ABCC8: variants seen among roughly 807,000 people sequenced by gnomAD.
The protein encoded by ABCC8 is ATP binding cassette subfamily C member 8, also known as ATP-binding cassette sub-family C member 8.
Under a neutral mutation model 188.0 loss-of-function variants are expected in ABCC8, and 137 were observed. The observed-to-expected ratio is 0.73, with a 90% CI of 0.63 to 0.84. The LOEUF (loss-of-function observed/expected upper bound fraction) is 0.84. Among genes scored for constraint, ABCC8 ranks in the 40% least tolerant of loss-of-function variants. ABCC8 has a pLI of 0.00. For missense variants in ABCC8, 1,750 were observed against 2,072.7 expected (o/e 0.84, Z 3.02); for synonymous variants, 797 against 846.5 (o/e 0.94, Z 1.01).
Position 17,475,392 on chromosome 11 carries a change from T to A in ABCC8, c.149-365A>T, listed in dbSNP as rs144569718. Among the ~76,000 whole-genome samples, 458 of 152,046 alleles carry A rather than the reference T, an allele frequency of 3.0e-3. 5 individuals are homozygous for A. In the East Asian group the frequency reaches 0.032, roughly 11 times the overall value. On this transcript the variant is annotated intron_variant, in intron 1 of 38. Transcript: ENST00000389817. ...ATCACCATGCTCAGCTAATTTTTAA[T>A]TTTTTGTAGAAAGGGCGGGGGGGGT...
chr11:17,414,961 C>T (rs1338509801), intron 18 of ABCC8, among the ~76,000 whole-genome samples: 4 of 151,858 alleles, frequency 2.6e-5, no homozygotes, highest in Non-Finnish European at 4.4e-5. Context: ...GCCCTCAAGC[C>T]ACTGGACTTT....
At chr11:17,421,354 C>T (rs1955334178) in intron 16 of ABCC8, among the ~76,000 whole-genome samples, 1 of 152,120 alleles carries the variant, frequency 6.6e-6, no homozygotes, top group Non-Finnish European at 1.5e-5. Flanking sequence ...TAGTGAAATA[C>T]TGGGTTAGGA....
At chr11:17,408,699 G>T in intron 22 of ABCC8, 182 bp from the exon 23 acceptor site, 1 of 483,794 alleles carries the variant, frequency 2.1e-6, no homozygotes, top group Non-Finnish European at 2.7e-6. Context: ...ATACTCCTAG[G>T]ACCTAGAGTT....
At position 17,461,676 on chromosome 11, in the gene ABCC8, C is replaced by T. The variant is rs1288013350; in HGVS notation, c.729G>A (p.Lys243=). 6.2e-7 allele frequency: 1 copy of T among 1,614,222 alleles called. No individual in the cohort carries two copies. The highest frequency in any genetic ancestry group is 1.7e-5 in the Admixed American group (1 of 60,022). ...MNAFIKTAHK[K]PIDLRAIGKL... Reference sequence around the variant, plus strand: ...TCCCGATGGCTCGCAAGTCGATGGGCTTCTTGTGGGCAGTCTTGATGAAGG... The same window carrying T: ...TCCCGATGGCTCGCAAGTCGATGGGTTTCTTGTGGGCAGTCTTGATGAAGG... The change falls in exon 5 of 39, where the codon AAG becomes AAA. Residue 243 remains lysine, a synonymous_variant. Transcript: ENST00000389817.
At chr11:17,396,882 G>A (rs369503972) in intron 33 of ABCC8, 34 bp downstream of exon 33, 1 of 1,611,744 alleles carries the variant, frequency 6.2e-7, no homozygotes, top group African/African-American at 1.3e-5. Flanking sequence ...GCTCACGCCT[G>A]TCCTGCAGCA....
chr11:17,402,453 G>A (rs1954293284), intron 29 of ABCC8, among the ~76,000 whole-genome samples: 1 of 152,174 alleles, frequency 6.6e-6, no homozygotes, highest in Non-Finnish European at 1.5e-5. Flanking sequence ...CTACAGAGCT[G>A]GAATTTTCCT....
chr11:17,415,005 T>G (rs1226702810), intron 18 of ABCC8, among the ~76,000 whole-genome samples: 1 of 118,860 alleles, frequency 8.4e-6, no homozygotes, highest in Admixed American at 7.5e-5. Context: ...ATGGAAGAAC[T>G]TTTTTTTTTT....
At chr11:17,460,346 T>A in intron 6 of ABCC8, 142 bp downstream of exon 6, 1 of 1,306,268 alleles carries the variant, frequency 7.7e-7, no homozygotes, top group Non-Finnish European at 1.1e-6. Context: ...TATTCTGTGG[T>A]GGGGATACTG....
intron 29 of ABCC8, among the ~76,000 whole-genome samples, chr11:17,399,519 G>A (rs560986237): frequency 7.2e-5 from 11 of 152,008 alleles, no homozygotes; most frequent in Non-Finnish European, 8.8e-5. Context: ...TCTTCATAAG[G>A]CTGGCTCAAC....
rs372943915 is a variant in ABCC8 at position 17,393,663 on chromosome 11, G to A, written c.4608+34C>T. ...CACAACAGGCCAGTCCTGTCCCTGG[G>A]TGTCCCTCTGCACCCCATCAATGGG... On this transcript the variant is annotated intron_variant, in intron 38 of 38. Coordinates refer to ENST00000389817, the MANE Select transcript of ABCC8 (RefSeq NM_000352.6). 39 of 1,613,918 alleles carry A rather than the reference G, an allele frequency of 2.4e-5. 1 individual carries two copies. The highest frequency in any genetic ancestry group is 2.9e-5 in the Non-Finnish European group (34 of 1,179,888).
At position 17,428,415 on chromosome 11, in the gene ABCC8, G is replaced by A. The variant is rs200823913; in HGVS notation, c.1924-10C>T. ...TCACAACCCTGAGGGGCTGGGGGTG[G>A]TTTGGAGGTGAGGACCCACTGGGCT... is the stretch of plus-strand genomic sequence containing the variant. On this transcript the variant is annotated splice_polypyrimidine_tract_variant and intron_variant, in intron 13 of 38. Transcript: ENST00000389817. 1.5e-5 allele frequency: 24 copies of A among 1,611,470 alleles called. No individual in the cohort carries two copies. Among genetic ancestry groups the A allele is most frequent in the Admixed American group, 1.0e-4 (6 of 59,958 alleles).
intron 37 of ABCC8, 56 bp from the exon 38 acceptor site, chr11:17,393,815 CT>C: frequency 6.2e-7 from 1 of 1,613,978 alleles, no homozygotes; most frequent in Non-Finnish European, 8.5e-7. Context: ...GGGGTCTGGC[CT>C]GGCTTGGGGG....
chr11:17,415,148 C>T (rs754829868), intron 18 of ABCC8, among the ~76,000 whole-genome samples, 156 bp downstream of exon 18: 9 of 152,176 alleles, frequency 5.9e-5, no homozygotes, highest in East Asian at 1.9e-4. Context: ...CAGCAGCTCC[C>T]GAGCCACCTG....
rs533231273 is a variant in ABCC8, at chr11:17,404,367, A to C, written c.3557+145T>G. On this transcript the variant is annotated intron_variant, in intron 28 of 38. Coordinates refer to ENST00000389817, the MANE Select transcript of ABCC8 (RefSeq NM_000352.6). This position sits in a 1 kb window ranked among gnomAD's most constrained non-coding sequence, Gnocchi z 4.7. ...ATTAGGGCGGTGGAATAAGATGTGG[A>C]TATTTCTATTTCCTTCATTTCTGTT... 94 of 805,884 alleles carry C rather than the reference A, an allele frequency of 1.2e-4. No individual in the cohort carries two copies. Among genetic ancestry groups the C allele is most frequent in the Middle Eastern group, 5.0e-4 (2 of 4,002 alleles). The allele number at this position is 805,884 out of a possible 1,614,324, so 49.9% of individuals were successfully genotyped here. A position where few individuals can be genotyped will look rare whatever the true frequency, so the allele number is the denominator to read the frequency against.
Position 17,393,885 on chromosome 11 carries a change from C to G in ABCC8, c.4546-126G>C, listed in dbSNP as rs553587824. ...CTGACCCCGATCCTAGTCCCACCCC[C>G]ACCCCACAGGACTGAACAGGTTCCC... On this transcript the variant is annotated intron_variant, in intron 37 of 38. Transcript: ENST00000389817. 8.6e-5 allele frequency: 136 copies of G among 1,588,086 alleles called. 1 individual carries two copies. The African/African-American group carries it at 1.6e-3, about 18-fold the overall frequency.
At chr11:17,450,316 TTCTTTCTTTCTC>T (rs1564959434) in intron 7 of ABCC8, among the ~76,000 whole-genome samples, 1,838 of 115,890 alleles carry the variant, frequency 0.016, 28 homozygotes, top group South Asian at 0.03. Flanking sequence ...CTTTCTTTCT[TTCTTTCTTTCTC>T]TCTCTCTCTT....
In ABCC8 at chr11:17,427,282, C is replaced by T; in HGVS notation, c.2117-128G>A. ...GTTTTCTTTCTTCCTACCTAGAATCCCCAGCAAGTCCTCTCCCTCTTTAAT... is the reference window on the plus strand; with the variant it reads ...GTTTTCTTTCTTCCTACCTAGAATCTCCAGCAAGTCCTCTCCCTCTTTAAT... On this transcript the variant is annotated intron_variant, in intron 15 of 38. Transcript: ENST00000389817. This position sits in a 1 kb window ranked among gnomAD's most constrained non-coding sequence, Gnocchi z 5.0. 1 of 1,363,838 alleles carries T rather than the reference C, an allele frequency of 7.3e-7. No individual in the cohort carries two copies. The highest frequency in any genetic ancestry group is 1.5e-5 in the African/African-American group (1 of 68,116). 84.5% of individuals were successfully genotyped at this position (1,363,838 alleles called of 1,614,324 possible). A position where few individuals can be genotyped will look rare whatever the true frequency, so the allele number is the denominator to read the frequency against.
rs766374930 is a variant in ABCC8 at position 17,428,349 on chromosome 11, G to A, written c.1980C>T (p.Thr660=). The change falls in exon 14 of 39, where the codon ACC becomes ACT. Residue 660 remains threonine, a synonymous_variant. Coordinates refer to ENST00000389817, the MANE Select transcript of ABCC8 (RefSeq NM_000352.6). ...RPAREDCRGL[T]GPLQSLVPSA... Reference sequence around the variant, plus strand: ...TGGGGACCAGGCTCTGCAGTGGGCCGGTGAGGCCCCGACAATCCTCCCGGG... The same window carrying A: ...TGGGGACCAGGCTCTGCAGTGGGCCAGTGAGGCCCCGACAATCCTCCCGGG... 5.6e-6 allele frequency: 9 copies of A among 1,614,144 alleles called. No homozygotes were observed. Among genetic ancestry groups the A allele is most frequent in the East Asian group, 2.2e-5 (1 of 44,882 alleles).
At chr11:17,450,237 CTTTTCTT>C (rs1287070619) in intron 7 of ABCC8, among the ~76,000 whole-genome samples, 1 of 90,552 alleles carries the variant, frequency 1.1e-5, no homozygotes, top group African/African-American at 6.1e-5. Flanking sequence ...TAACTCCTTT[CTTTTCTT>C]TTTCTTTCTT....
Sources: allele counts gnomAD v4.1 joint callset (sites outside exome capture counted in the v4.1 genomes callset), GRCh38; gene constraint gnomAD v4.1.1; non-coding constraint Gnocchi (gnomAD v3.1); transcripts MANE v1.5; gene names NCBI Gene and HGNC (gene_info 2026-07-23, HGNC 2026-07-21).